Variants in ERC1 observed in about 807,000 individuals in gnomAD.
The protein encoded by ERC1 is ELKS/RAB6-interacting/CAST family member 1.
Under a neutral mutation model 132.0 loss-of-function variants are expected in ERC1, and 56 were observed. That is an observed-to-expected ratio of 0.42 (90% CI 0.34 to 0.53). The LOEUF (loss-of-function observed/expected upper bound fraction) is 0.53, where lower values mean the gene tolerates loss of function less well. Among genes scored for constraint, ERC1 ranks in the 20% least tolerant of loss-of-function variants. ERC1 has a pLI of 0.03. For missense variants in ERC1, 1,202 were observed against 1,349.9 expected (o/e 0.89, Z 1.72); for synonymous variants, 478 against 476.1 (o/e 1.00, Z -0.05).
chr12:1,181,522 G>A (rs1170754116), intron 9 of ERC1, among the ~76,000 whole-genome samples: 3 of 152,170 alleles, frequency 2.0e-5, no homozygotes, highest in African/African-American at 7.2e-5. Context: ...ATTCTGGCCA[G>A]GCACAATGAC....
At chr12:1,067,283 T>C (rs1001500872) in intron 2 of ERC1, among the ~76,000 whole-genome samples, 3 of 152,234 alleles carry the variant, frequency 2.0e-5, no homozygotes, top group South Asian at 4.1e-4. Flanking sequence ...TGCTATCCGA[T>C]GAAAAGCATC....
chr12:1,053,567 T>G (rs1972415557), intron 2 of ERC1, among the ~76,000 whole-genome samples: 1 of 152,230 alleles, frequency 6.6e-6, no homozygotes, highest in Admixed American at 6.5e-5. Flanking sequence ...TGAAAATCCT[T>G]GTATAGCTTC....
intron 6 of ERC1, among the ~76,000 whole-genome samples, chr12:1,113,083 ATTGTATTACG>A (rs1436940387): frequency 3.9e-5 from 6 of 152,178 alleles, no homozygotes; most frequent in Non-Finnish European, 8.8e-5. Flanking sequence ...AAATATTTAC[ATTGTATTACG>A]TATTACAAGT....
intron 16 of ERC1, among the ~76,000 whole-genome samples, chr12:1,399,848 AT>A (rs1326134622): frequency 6.6e-6 from 1 of 152,170 alleles, no homozygotes; most frequent in Non-Finnish European, 1.5e-5. Context: ...TGCCGTGAAC[AT>A]TTGTGGGTGC....
chr12:1,225,791 G>GC (rs1440673298), intron 12 of ERC1, among the ~76,000 whole-genome samples: 1 of 152,172 alleles, frequency 6.6e-6, no homozygotes, highest in Non-Finnish European at 1.5e-5. Context: ...AAGGTTGCCA[G>GC]CACCATCTGG....
intron 7 of ERC1, among the ~76,000 whole-genome samples, chr12:1,130,420 T>TA (rs148467262): frequency 0.057 from 8,743 of 152,228 alleles, 286 homozygotes; most frequent in Middle Eastern, 0.078. Flanking sequence ...TGTGTTGGCT[T>TA]AAGGGGTCAA....
intron 12 of ERC1, chr12:1,204,220 T>C: frequency 3.0e-6 from 1 of 330,036 alleles, no homozygotes; most frequent in Admixed American, 4.4e-5. Context: ...AAATTGTTTT[T>C]TTTTTCCTGC....
intron 2 of ERC1, among the ~76,000 whole-genome samples, chr12:1,078,624 G>A (rs1390380223): frequency 1.4e-5 from 2 of 142,290 alleles, no homozygotes; most frequent in African/African-American, 5.0e-5. Context: ...CATAAACAAT[G>A]TTAAAAGAAA....
intron 6 of ERC1, among the ~76,000 whole-genome samples, chr12:1,112,609 A>G (rs1345767399): frequency 1.3e-5 from 2 of 152,162 alleles, no homozygotes; most frequent in Non-Finnish European, 2.9e-5. Flanking sequence ...GTTGGTTTAT[A>G]TGAATGGCGG....
rs1453297758 is a variant in ERC1 at position 1,491,720 on chromosome 12, A to G, written c.*1490A>G. Reference sequence around the variant, plus strand: ...TGGGTGGCCATTTCCTGACATCTGCATGTACCTCGTGGAATTCAGCCAGCT... The same window carrying G: ...TGGGTGGCCATTTCCTGACATCTGCGTGTACCTCGTGGAATTCAGCCAGCT... On this transcript the variant is annotated 3_prime_UTR_variant, in exon 19 of 19. Coordinates refer to ENST00000360905, the MANE Select transcript of ERC1 (RefSeq NM_178040.4). The G allele has an allele frequency of 4.3e-6, 1 of 230,980 alleles. No homozygotes were observed. Among genetic ancestry groups the G allele is most frequent in the Non-Finnish European group, 8.6e-6 (1 of 116,742 alleles). The allele number at this position is 230,980 out of a possible 1,614,324, so 14.3% of individuals were successfully genotyped here. A position where few individuals can be genotyped will look rare whatever the true frequency, so the allele number is the denominator to read the frequency against.
chr12:1,343,417 TC>T (rs2084111270), intron 15 of ERC1, among the ~76,000 whole-genome samples: 1 of 152,194 alleles, frequency 6.6e-6, no homozygotes, highest in African/African-American at 2.4e-5. Context: ...CATGAAACTA[TC>T]CCATACAGTC....
intron 15 of ERC1, among the ~76,000 whole-genome samples, chr12:1,348,912 T>C (rs1036414904): frequency 2.6e-5 from 4 of 152,286 alleles, no homozygotes; most frequent in Middle Eastern, 3.4e-3. Flanking sequence ...CAATATACTT[T>C]TTCTTCCCAT....
At chr12:1,039,376 A>G (rs573157444) in intron 2 of ERC1, among the ~76,000 whole-genome samples, 91 of 150,844 alleles carry the variant, frequency 6.0e-4, no homozygotes, top group Non-Finnish European at 1.3e-3. Flanking sequence ...ATAAATAAAT[A>G]AAAAATTAGC....
intron 2 of ERC1, among the ~76,000 whole-genome samples, chr12:1,079,763 A>G (rs1393022706): frequency 9.7e-5 from 13 of 134,486 alleles, no homozygotes; most frequent in South Asian, 2.5e-4. Context: ...AAAAGTCGAT[A>G]TACAGAGATA....
chr12:1,173,381 G>A (rs571099420), intron 8 of ERC1, among the ~76,000 whole-genome samples: 23 of 152,206 alleles, frequency 1.5e-4, no homozygotes, highest in Non-Finnish European at 2.6e-4. Flanking sequence ...TAGAATCGTC[G>A]TTCTTGTTAT....
chr12:1,231,842 C>T (rs952699433), intron 12 of ERC1, among the ~76,000 whole-genome samples: 4 of 152,108 alleles, frequency 2.6e-5, no homozygotes, highest in African/African-American at 9.7e-5. Flanking sequence ...CGGGTTCTAG[C>T]GATTCTCCTG....
rs532808725 is a variant in ERC1 at position 1,433,449 on chromosome 12, C to T, written c.3025-11113C>T. 4.6e-5 allele frequency among the ~76,000 whole-genome samples: 7 copies of T among 152,260 alleles called. No homozygotes were observed. In the East Asian group the frequency reaches 5.8e-4, roughly 13 times the overall value. ...AATATATGATCATTGAGACAGAATG[C>T]GCTAATGAAGTCGGGGAGCTGAAAA... On this transcript the variant is annotated intron_variant, in intron 17 of 18. Coordinates refer to ENST00000360905, the MANE Select transcript of ERC1 (RefSeq NM_178040.4).
intron 2 of ERC1, among the ~76,000 whole-genome samples, chr12:1,051,308 T>C (rs955801119): frequency 6.6e-6 from 1 of 152,070 alleles, no homozygotes; most frequent in Non-Finnish European, 1.5e-5. Context: ...GGGTTGAGGA[T>C]TTAGAGGTTA....
intron 1 of ERC1, chr12:1,020,528 G>C (rs1248957010): frequency 6.6e-6 from 1 of 152,204 alleles, no homozygotes; most frequent in Admixed American, 6.5e-5. Flanking sequence ...TTCTGACTCA[G>C]GGTATCTAGT....
Sources: allele counts gnomAD v4.1 joint callset (sites outside exome capture counted in the v4.1 genomes callset), GRCh38; gene constraint gnomAD v4.1.1; transcripts MANE v1.5; gene names NCBI Gene and HGNC (gene_info 2026-07-23, HGNC 2026-07-21).